LUC7L: variants seen among roughly 807,000 people sequenced by gnomAD.
The protein encoded by LUC7L is putative RNA-binding protein Luc7-like 1.
LUC7L carries 29 observed loss-of-function variants against 51.1 expected under a neutral mutation model. That is an observed-to-expected ratio of 0.57 (90% CI 0.42 to 0.77). The LOEUF (loss-of-function observed/expected upper bound fraction) is 0.77, where lower values mean the gene tolerates loss of function less well. Among genes scored for constraint, LUC7L ranks in the 30% least tolerant of loss-of-function variants. The pLI is 0.00. For synonymous variants in LUC7L, 181 were observed against 180.7 expected (o/e 1.00, Z -0.01); for missense variants, 403 against 511.9 (o/e 0.79, Z 2.05).
intron 3 of LUC7L, chr16:209,309 G>A (rs1196718804): frequency 1.3e-5 from 2 of 152,154 alleles, no homozygotes; most frequent in Non-Finnish European, 2.9e-5. Context: ...TCCCAATACA[G>A]TGAAGCCCCA....
intron 3 of LUC7L, 131 bp from the exon 4 acceptor site, chr16:208,319 TA>T (rs1356683886): frequency 3.1e-6 from 2 of 648,958 alleles, no homozygotes; most frequent in Admixed American, 6.6e-5. Flanking sequence ...GGAAAGATCT[TA>T]AACTACACTA....
chr16:225,835 ACT>A (rs2050117945), intron 2 of LUC7L, among the ~76,000 whole-genome samples: 1 of 151,278 alleles, frequency 6.6e-6, no homozygotes, highest in African/African-American at 2.4e-5. Context: ...GAAAAGAAAT[ACT>A]CTCACTCAGA....
intron 3 of LUC7L, chr16:208,416 T>C (rs144219832): frequency 4.6e-4 from 200 of 431,684 alleles, no homozygotes; most frequent in Non-Finnish European, 6.7e-4. Flanking sequence ...TCATTTGATT[T>C]ACTTATTTCC....
chr16:227,100 G>C (rs573950086), intron 2 of LUC7L, 142 bp downstream of exon 2: 2 of 644,734 alleles, frequency 3.1e-6, no homozygotes, highest in Non-Finnish European at 5.5e-6. Flanking sequence ...ACATACATAC[G>C]AGTGGAGGAA....
At chr16:212,132 A>T (rs1206541566) in intron 3 of LUC7L, among the ~76,000 whole-genome samples, 6 of 152,184 alleles carry the variant, frequency 3.9e-5, no homozygotes, top group Non-Finnish European at 7.3e-5. Context: ...CATCTCTACT[A>T]AAAATACAAA....
intron 2 of LUC7L, among the ~76,000 whole-genome samples, chr16:226,101 C>G (rs1050793532): frequency 2.6e-5 from 4 of 152,144 alleles, no homozygotes; most frequent in African/African-American, 9.7e-5. Flanking sequence ...GTTTTCCCAT[C>G]CCAGGCCAAA....
At chr16:190,896 A>G (rs1203956) in intron 7 of LUC7L, 36,677 of 247,790 alleles carry the variant, frequency 0.15, 3,548 homozygotes, top group African/African-American at 0.26. Context: ...GAAAAAAAAA[A>G]AGTGAATGAC....
intron 3 of LUC7L, among the ~76,000 whole-genome samples, chr16:219,521 G>T (rs984679694): frequency 3.3e-5 from 5 of 152,130 alleles, no homozygotes; most frequent in Non-Finnish European, 7.3e-5. Context: ...TTCACTTACA[G>T]TCAGCTATAA....
chr16:193,164 C>G, intron 6 of LUC7L, 149 bp from the exon 7 acceptor site: 1 of 668,894 alleles, frequency 1.5e-6, no homozygotes, highest in Non-Finnish European at 2.6e-6. Flanking sequence ...TTTTTTTTTT[C>G]TCTTTGAAAC....
chr16:201,242 T>TAAAAAAA (rs764945208), intron 5 of LUC7L, among the ~76,000 whole-genome samples: 7 of 78,508 alleles, frequency 8.9e-5, no homozygotes, highest in Admixed American at 1.8e-4. Context: ...GCTACATAAC[T>TAAAAAAA]AAAAAAAAAA....
intron 3 of LUC7L, among the ~76,000 whole-genome samples, chr16:219,660 G>A (rs1200038566): frequency 1.3e-5 from 2 of 151,828 alleles, no homozygotes; most frequent in Non-Finnish European, 2.9e-5. Flanking sequence ...ATCACCTGAC[G>A]TTGAGAGTTC....
chr16:229,177 G>A, intron 1 of LUC7L, 102 bp downstream of exon 1: 3 of 1,467,238 alleles, frequency 2.0e-6, no homozygotes, highest in Non-Finnish European at 2.7e-6. Context: ...GATGCCCCGC[G>A]CAGGCGCAGG....
chr16:197,532 TATAA>T (rs1341148374), intron 6 of LUC7L, among the ~76,000 whole-genome samples: 1 of 152,188 alleles, frequency 6.6e-6, no homozygotes, highest in African/African-American at 2.4e-5. Context: ...CTTTCATACC[TATAA>T]ACTTATAAAG....
At chr16:205,963 T>G (rs1404026120) in intron 5 of LUC7L, 41 bp downstream of exon 5, 1 of 1,579,842 alleles carries the variant, frequency 6.3e-7, no homozygotes, top group Admixed American at 2.0e-5. Flanking sequence ...GCTGCCAAAT[T>G]ACTAAGATTT....
rs764512160 is a variant in LUC7L, at chr16:227,263, G to C, written c.135C>G (p.Pro45=). ...CTACCGTCCCAGCCAGGATGTCATGGGGGCAGCAGTCCAGAAGGTGACTCT... is the reference window on the plus strand; with the variant it reads ...CTACCGTCCCAGCCAGGATGTCATGCGGGCAGCAGTCCAGAAGGTGACTCT... The part of the protein sequence containing the change: ...VCKSHLLDCC[P]HDILAGTRMD... The change falls in exon 2 of 10, where the codon CCC becomes CCG. Residue 45 remains proline (P), a synonymous_variant. Transcript: ENST00000293872. 1.5e-5 allele frequency: 25 copies of C among 1,613,036 alleles called. No homozygotes were observed. Among genetic ancestry groups the C allele is most frequent in the African/African-American group, 1.2e-4 (9 of 75,006 alleles).
intron 7 of LUC7L, 126 bp from the exon 8 acceptor site, chr16:190,696 G>C (rs980878893): frequency 2.5e-6 from 2 of 815,308 alleles, no homozygotes; most frequent in Non-Finnish European, 4.2e-6. Context: ...CCTGGACAAC[G>C]TGGTGAAACC....
chr16:228,561 C>A, intron 1 of LUC7L: 1 of 1,196,184 alleles, frequency 8.4e-7, no homozygotes. Context: ...GAGAATGTGC[C>A]AGTGTGAACT....
chr16:208,610 T>C, intron 3 of LUC7L: 1 of 997,168 alleles, frequency 1.0e-6, no homozygotes, highest in Non-Finnish European at 1.2e-6. Flanking sequence ...CTGGTCTTTG[T>C]GAGCCACGTA....
rs540354022 is a variant in LUC7L at position 225,805 on chromosome 16, AAAAAGAAAAG to A, written c.156+1427_156+1436del. On this transcript the variant is annotated intron_variant, in intron 2 of 9. Coordinates refer to ENST00000293872, the MANE Select transcript of LUC7L (RefSeq NM_201412.3). Reference sequence around the variant, plus strand: ...CAGCCTGAAATTCTGTCTCAAAAAAAAAAAGAAAAGAAAAGAAAAGAAAAGAAATACTCTC... The same window carrying A: ...CAGCCTGAAATTCTGTCTCAAAAAAAAAAAGAAAAGAAAAGAAATACTCTC... 9.2e-3 allele frequency among the ~76,000 whole-genome samples: 1,376 copies of A among 149,972 alleles called. 10 individuals carry two copies. The highest frequency in any genetic ancestry group is 0.02 in the Middle Eastern group (6 of 294).
Sources: allele counts gnomAD v4.1 joint callset (sites outside exome capture counted in the v4.1 genomes callset), GRCh38; gene constraint gnomAD v4.1.1; transcripts MANE v1.5; gene names NCBI Gene and HGNC (gene_info 2026-07-23, HGNC 2026-07-21).